Variants in LRRC7 observed in about 807,000 individuals in gnomAD.
The protein encoded by LRRC7 is leucine-rich repeat-containing protein 7.
A neutral mutation model predicts 175.7 loss-of-function variants in LRRC7; 23 were observed. The observed-to-expected ratio is 0.13, with a 90% confidence interval of 0.09 to 0.19. The LOEUF (loss-of-function observed/expected upper bound fraction) is 0.19. Ranked by LOEUF, LRRC7 falls within the 10% of genes least tolerant of loss-of-function variation. The pLI, the probability that LRRC7 is intolerant of heterozygous loss-of-function variation, is 1.00. For missense variants in LRRC7, 1,354 were observed against 1,904.7 expected (o/e 0.71, Z 5.38); for synonymous variants, 685 against 680.9 (o/e 1.01, Z -0.09).
chr1:70,016,698 C>T (rs1351251141), intron 14 of LRRC7, among the ~76,000 whole-genome samples, 164 bp downstream of exon 14: 1 of 152,128 alleles, frequency 6.6e-6, no homozygotes, highest in African/African-American at 2.4e-5. Context: ...TCAAACATTG[C>T]TGAAGTCAAA....
At chr1:69,676,233 C>T (rs1659756373) in intron 1 of LRRC7, among the ~76,000 whole-genome samples, 1 of 151,940 alleles carries the variant, frequency 6.6e-6, no homozygotes, top group Non-Finnish European at 1.5e-5. Flanking sequence ...TTGTCAATTT[C>T]CCCTCCAGAC....
rs568447919 is a variant in LRRC7 at position 69,927,252 on chromosome 1, A to C, written c.648-4255A>C. Among the ~76,000 whole-genome samples the C allele has an allele frequency of 1.4e-3, 211 of 152,032 alleles. 2 individuals carry two copies. The highest frequency in any genetic ancestry group is 4.9e-3 in the African/African-American group (205 of 41,460). ...GGCTGCCCTTAACATTTTTTCCTTC[A>C]TTTCAACTTTGGTGAATCTGACAAT... On this transcript the variant is annotated intron_variant, in intron 7 of 26. Transcript: ENST00000651989.
Position 70,034,452 on chromosome 1 carries a change from T to C in LRRC7, c.1996-1669T>C, listed in dbSNP as rs570440824. On this transcript the variant is annotated intron_variant, in intron 18 of 26. Coordinates refer to ENST00000651989, the MANE Select transcript of LRRC7 (RefSeq NM_001370785.2). Reference sequence around the variant, plus strand: ...TGAAGCCCGTGTGAAAAATGAGCTTTACTTAGGATAGGCAATATGGCATAC... The same window carrying C: ...TGAAGCCCGTGTGAAAAATGAGCTTCACTTAGGATAGGCAATATGGCATAC... Among the ~76,000 whole-genome samples, 27 of 152,356 alleles carry C rather than the reference T, an allele frequency of 1.8e-4. No homozygotes were observed. The South Asian group carries it at 5.0e-3, about 28-fold the overall frequency.
chr1:69,593,111 G>T (rs997796189), intron 1 of LRRC7, among the ~76,000 whole-genome samples: 1 of 152,038 alleles, frequency 6.6e-6, no homozygotes, highest in African/African-American at 2.4e-5. Flanking sequence ...GTTTTTCAGA[G>T]AATCAGTTCC....
chr1:70,075,479 T>TG (rs1662706208), intron 23 of LRRC7, among the ~76,000 whole-genome samples: 1 of 152,250 alleles, frequency 6.6e-6, no homozygotes. Flanking sequence ...CATGACTAGA[T>TG]GATCTTCTGC....
intron 8 of LRRC7, among the ~76,000 whole-genome samples, chr1:69,979,080 A>G (rs979356981): frequency 4.3e-4 from 65 of 152,278 alleles, no homozygotes; most frequent in African/African-American, 1.4e-3. Flanking sequence ...CCAGGACTGC[A>G]GAGAAAAGCA....
intron 23 of LRRC7, among the ~76,000 whole-genome samples, chr1:70,073,571 C>T (rs558519289): frequency 1.2e-4 from 19 of 152,152 alleles, no homozygotes; most frequent in Non-Finnish European, 2.1e-4. Flanking sequence ...ACAAAGTAAT[C>T]CATAAGCAGT....
intron 1 of LRRC7, among the ~76,000 whole-genome samples, chr1:69,623,972 G>A (rs942046094): frequency 6.6e-6 from 1 of 151,946 alleles, no homozygotes; most frequent in Non-Finnish European, 1.5e-5. Context: ...CTCATTTGGG[G>A]CTACTATAAA....
At chr1:69,763,003 T>C (rs1193374355) in intron 3 of LRRC7, among the ~76,000 whole-genome samples, 2 of 152,054 alleles carry the variant, frequency 1.3e-5, no homozygotes, top group Non-Finnish European at 2.9e-5. Context: ...ATCTGATATA[T>C]TGAAATATGA....
At chr1:69,942,917 G>A (rs1379217716) in intron 8 of LRRC7, among the ~76,000 whole-genome samples, 5 of 152,218 alleles carry the variant, frequency 3.3e-5, no homozygotes, top group South Asian at 4.1e-4. Context: ...AGCCCAGGAC[G>A]GCTTTGAATG....
intron 7 of LRRC7, among the ~76,000 whole-genome samples, chr1:69,930,656 A>G (rs1295183599): frequency 1.3e-5 from 2 of 152,182 alleles, no homozygotes; most frequent in African/African-American, 4.8e-5. Flanking sequence ...CACTGCTATA[A>G]AGAAGTGCTC....
chr1:70,004,980 G>A (rs772047942), intron 11 of LRRC7, among the ~76,000 whole-genome samples: 4 of 151,648 alleles, frequency 2.6e-5, no homozygotes, highest in Non-Finnish European at 4.4e-5. Context: ...AGGGAATATC[G>A]CAGGACAACT....
At position 70,130,510 on chromosome 1, in the gene LRRC7, T is replaced by G. The variant is rs1447018299; in HGVS notation, c.*8623T>G. 6.6e-6 allele frequency among the ~76,000 whole-genome samples: 1 copy of G among 152,218 alleles called. No homozygotes were observed. The highest frequency in any genetic ancestry group is 2.4e-5 in the African/African-American group (1 of 41,476). On this transcript the variant is annotated 3_prime_UTR_variant, in exon 27 of 27. Coordinates refer to ENST00000651989, the MANE Select transcript of LRRC7 (RefSeq NM_001370785.2). ...AAAAAATTTCTCCTTTTTAAATCAG[T>G]CTTCCTCCTCTCTTCAGCATTTTTT...
intron 7 of LRRC7, among the ~76,000 whole-genome samples, chr1:69,927,962 A>T (rs1465732113): frequency 6.6e-6 from 1 of 151,880 alleles, no homozygotes; most frequent in Non-Finnish European, 1.5e-5. Flanking sequence ...GTCTTTGATG[A>T]TGGTGATGTA....
intron 25 of LRRC7, among the ~76,000 whole-genome samples, chr1:70,090,291 T>C (rs2102168839): frequency 6.6e-6 from 1 of 152,262 alleles, no homozygotes; most frequent in East Asian, 1.9e-4. Flanking sequence ...AGAATTTTGC[T>C]AATAGAACTG....
Position 70,127,701 on chromosome 1 carries a change from A to G in LRRC7, c.*5814A>G, listed in dbSNP as rs1231358517. The stretch of plus-strand genomic sequence containing the variant: ...GAAGGATACCTCTGCAGCTCTGTCA[A>G]TACTTCCACAAATTGTCTGCAAAAC... On this transcript the variant is annotated 3_prime_UTR_variant, in exon 27 of 27. Coordinates refer to ENST00000651989, the MANE Select transcript of LRRC7 (RefSeq NM_001370785.2). Among the ~76,000 whole-genome samples the G allele has an allele frequency of 1.3e-5, 2 of 152,206 alleles. No homozygotes were observed. Among genetic ancestry groups the G allele is most frequent in the Non-Finnish European group, 2.9e-5 (2 of 68,028 alleles).
At chr1:69,775,778 T>C (rs962839636) in intron 3 of LRRC7, among the ~76,000 whole-genome samples, 26 of 152,168 alleles carry the variant, frequency 1.7e-4, no homozygotes, top group African/African-American at 6.3e-4. Flanking sequence ...TCATCTGAAT[T>C]GTGAAGATTA....
At chr1:69,650,253 A>C (rs886848030) in intron 1 of LRRC7, among the ~76,000 whole-genome samples, 11 of 152,076 alleles carry the variant, frequency 7.2e-5, no homozygotes, top group African/African-American at 2.7e-4. Context: ...TAAAAAGCCA[A>C]GCATCAGCCA....
intron 12 of LRRC7, among the ~76,000 whole-genome samples, chr1:70,012,251 A>G (rs1321420409): frequency 2.0e-5 from 3 of 151,890 alleles, no homozygotes; most frequent in African/African-American, 7.2e-5. Context: ...GAGTAATTAC[A>G]TTTATATTTC....
Sources: allele counts gnomAD v4.1 joint callset (sites outside exome capture counted in the v4.1 genomes callset), GRCh38; gene constraint gnomAD v4.1.1; transcripts MANE v1.5; gene names NCBI Gene and HGNC (gene_info 2026-07-23, HGNC 2026-07-21).